PTBP2: variants seen among roughly 807,000 people sequenced by gnomAD.
PTBP2 encodes polypyrimidine tract binding protein 2.
A neutral mutation model predicts 61.4 loss-of-function variants in PTBP2; 13 were observed. The observed-to-expected ratio is 0.21, with a 90% confidence interval of 0.14 to 0.34. The LOEUF (loss-of-function observed/expected upper bound fraction) is 0.34. Among genes scored for constraint, PTBP2 ranks in the 10% least tolerant of loss-of-function variants. The pLI is 1.00. For missense variants in PTBP2, 405 were observed against 642.6 expected, an observed-to-expected ratio of 0.63 and a Z score of 4.00; for synonymous variants, 215 against 218.5, an observed-to-expected ratio of 0.98 and a Z score of 0.14.
chr1:96,744,848 A>G (rs563516154), intron 2 of PTBP2, among the ~76,000 whole-genome samples: 2 of 152,198 alleles, frequency 1.3e-5, no homozygotes, highest in Non-Finnish European at 2.9e-5. Flanking sequence ...AAAAATGATT[A>G]TTATAACATG....
At chr1:96,738,137 A>G (rs1652480830) in intron 2 of PTBP2, among the ~76,000 whole-genome samples, 1 of 152,134 alleles carries the variant, frequency 6.6e-6, no homozygotes, top group East Asian at 1.9e-4. Context: ...TATTTGTTTT[A>G]AGCACTCTTC....
chr1:96,750,644 G>A (rs1249605054), intron 2 of PTBP2, among the ~76,000 whole-genome samples: 1 of 151,276 alleles, frequency 6.6e-6, no homozygotes, highest in Admixed American at 6.6e-5. Flanking sequence ...TAACTTCTTT[G>A]TACTGATTTT....
At chr1:96,783,129 A>C in intron 7 of PTBP2, among the ~76,000 whole-genome samples, 1 of 152,068 alleles carries the variant, frequency 6.6e-6, no homozygotes, top group Non-Finnish European at 1.5e-5. Context: ...GATTTTGCAA[A>C]TACATGAGCT....
At position 96,806,346 on chromosome 1, in the gene PTBP2, C is replaced by G. The variant is rs1482574336; in HGVS notation, c.1045-73C>G. 7.6e-6 allele frequency: 9 copies of G among 1,189,882 alleles called. No homozygotes were observed. In the African/African-American group the frequency reaches 1.1e-4, roughly 14 times the overall value. The allele number at this position is 1,189,882 out of a possible 1,614,324, so 73.7% of individuals were successfully genotyped here. On this transcript the variant is annotated intron_variant, in intron 9 of 13. Transcript: ENST00000674951. ...GGAACCACCCTTCGTTATGGATGATCTGTTCATCTCCGCTCTTCCTCGACT... is the reference window on the plus strand; with the variant it reads ...GGAACCACCCTTCGTTATGGATGATGTGTTCATCTCCGCTCTTCCTCGACT...
chr1:96,741,368 C>G (rs1296665264), intron 2 of PTBP2, among the ~76,000 whole-genome samples: 1 of 152,112 alleles, frequency 6.6e-6, no homozygotes, highest in Non-Finnish European at 1.5e-5. Flanking sequence ...TCTAGCAATT[C>G]TCTCACCTTT....
chr1:96,816,965 C>T (rs775205268), downstream of PTBP2: 27 of 152,164 alleles, frequency 1.8e-4, no homozygotes, highest in African/African-American at 6.5e-4. Flanking sequence ...CAAAGAAATA[C>T]TAATGTTTTA....
In PTBP2 at chr1:96,769,836, T is replaced by G; in HGVS notation, c.249T>G (p.Gly83=). The change falls in exon 4 of 14, where the codon GGT becomes GGG. Residue 83 remains glycine (G), a synonymous_variant. Coordinates refer to ENST00000674951, the MANE Select transcript of PTBP2 (RefSeq NM_021190.4). ...TEVIALGLPF[G]KVTNILMLKG... is the part of the protein sequence containing the mutation. Reference sequence around the variant, plus strand: ...TTATTGCTTTAGGCTTACCTTTTGGTAAGGTGACCAACATCCTTATGCTGA... The same window carrying G: ...TTATTGCTTTAGGCTTACCTTTTGGGAAGGTGACCAACATCCTTATGCTGA... 6.2e-7 allele frequency: 1 copy of G among 1,607,002 alleles called. No homozygotes were observed. Among genetic ancestry groups the G allele is most frequent in the Non-Finnish European group, 8.5e-7 (1 of 1,176,946 alleles).
At chr1:96,744,064 G>A (rs956123822) in intron 2 of PTBP2, among the ~76,000 whole-genome samples, 1 of 151,946 alleles carries the variant, frequency 6.6e-6, no homozygotes, top group African/African-American at 2.4e-5. Flanking sequence ...TGTTGCACGC[G>A]CCTATAGTCC....
intron 2 of PTBP2, chr1:96,749,834 T>C (rs1654315490): frequency 6.8e-6 from 2 of 295,498 alleles, no homozygotes; most frequent in Non-Finnish European, 1.4e-5. Context: ...GGCTGTGATG[T>C]AGATGTTATC....
chr1:96,784,985 A>G lies in PTBP2; in HGVS notation c.709-74A>G, dbSNP rs1659066926. 3 of 1,193,004 alleles carry G rather than the reference A, an allele frequency of 2.5e-6. No individual in the cohort carries two copies. In the South Asian group the frequency reaches 4.7e-5, roughly 19 times the overall value. 73.9% of individuals were successfully genotyped at this position (1,193,004 alleles called of 1,614,324 possible). A position where few individuals can be genotyped will look rare whatever the true frequency, so the allele number is the denominator to read the frequency against. ...GTTCGAGTTTTTGTTGTTGAGTTTT[A>G]TTACTAAAATTATACTTTCACTAAT... is the stretch of plus-strand genomic sequence containing the variant. On this transcript the variant is annotated intron_variant, in intron 7 of 13. Coordinates refer to ENST00000674951, the MANE Select transcript of PTBP2 (RefSeq NM_021190.4).
chr1:96,776,772 G>A (rs1010038696), intron 5 of PTBP2, among the ~76,000 whole-genome samples: 5 of 151,024 alleles, frequency 3.3e-5, no homozygotes, highest in Admixed American at 2.6e-4. Flanking sequence ...GTCTTTTGGA[G>A]CATTTAACAT....
chr1:96,805,434 C>T (rs1661407752), intron 9 of PTBP2, among the ~76,000 whole-genome samples: 1 of 152,010 alleles, frequency 6.6e-6, no homozygotes, highest in African/African-American at 2.4e-5. Flanking sequence ...TCCCGTCTTT[C>T]TTAGTAATTT....
downstream of PTBP2, chr1:96,818,943 A>G (rs181147680): frequency 6.6e-6 from 1 of 151,998 alleles, no homozygotes; most frequent in Non-Finnish European, 1.5e-5. Flanking sequence ...TATAATACTG[A>G]TCAAAAGAAA....
In PTBP2 at chr1:96,812,776, T is replaced by C; in HGVS notation, c.1236T>C (p.His412=). 6.2e-7 allele frequency: 1 copy of C among 1,611,372 alleles called. No individual in the cohort carries two copies. Among genetic ancestry groups the C allele is most frequent in the Non-Finnish European group, 8.5e-7 (1 of 1,177,590 alleles). ...GKIIRVTLSK[H]QTVQLPREGL... ...TTATTCGTGTTACTCTGTCTAAACATCAGACTGTACAGCTACCTCGAGAGG... is the reference window on the plus strand; with the variant it reads ...TTATTCGTGTTACTCTGTCTAAACACCAGACTGTACAGCTACCTCGAGAGG... The change falls in exon 12 of 14, where the codon CAT becomes CAC. Residue 412 remains histidine (H), a synonymous_variant. Transcript: ENST00000674951.
At chr1:96,779,383 A>T (rs773530475) in intron 7 of PTBP2, among the ~76,000 whole-genome samples, 47 of 152,122 alleles carry the variant, frequency 3.1e-4, no homozygotes, top group Non-Finnish European at 5.3e-4. Flanking sequence ...AAAGAAAAGT[A>T]TTTGTTAGAG....
chr1:96,813,002 C>CT (rs773520981), intron 12 of PTBP2, 27 bp from the exon 13 acceptor site: 11 of 1,600,742 alleles, frequency 6.9e-6, no homozygotes. Context: ...TTAATCTTCA[C>CT]TTTTTCTTCC....
rs1258514836 is a variant in PTBP2 at position 96,777,646 on chromosome 1, G to C, written c.494G>C (p.Gly165Ala). Residue 165 changes from glycine (G) to alanine (A), a missense_variant, in exon 6 of 14, where the codon GGC (glycine) becomes GCC (alanine). Transcript: ENST00000674951. ...CAGACAGCAAATACTCCTCTTAGTG[G>C]CACCACAGTTAGCGAGAGTGCAGTG... is the stretch of plus-strand genomic sequence containing the variant. Reference protein sequence around the residue: ...AVQTANTPLSGTTVSESAVTP... With the variant: ...AVQTANTPLSATTVSESAVTP... 6.2e-7 allele frequency: 1 copy of C among 1,613,308 alleles called. No individual in the cohort carries two copies. Among genetic ancestry groups the C allele is most frequent in the Non-Finnish European group, 8.5e-7 (1 of 1,179,582 alleles).
chr1:96,758,918 A>G (rs1655472545), intron 3 of PTBP2, among the ~76,000 whole-genome samples: 1 of 152,194 alleles, frequency 6.6e-6, no homozygotes, highest in Non-Finnish European at 1.5e-5. Flanking sequence ...GGACTCTACA[A>G]CAGATTTGGT....
chr1:96,748,937 T>C (rs1654181407), intron 2 of PTBP2, among the ~76,000 whole-genome samples: 1 of 152,204 alleles, frequency 6.6e-6, no homozygotes, highest in Non-Finnish European at 1.5e-5. Flanking sequence ...CATAATTGCT[T>C]TTTTCAAATA....
Sources: allele counts gnomAD v4.1 joint callset (sites outside exome capture counted in the v4.1 genomes callset), GRCh38; gene constraint gnomAD v4.1.1; transcripts MANE v1.5; gene names NCBI Gene and HGNC (gene_info 2026-07-23, HGNC 2026-07-21).